The following NXPE2 variants were observed in gnomAD, a reference collection of about 807,000 sequenced individuals.
NXPE2 encodes the protein NXPE family member 2.
A neutral mutation model predicts 34.4 loss-of-function variants in NXPE2; 34 were observed. The observed-to-expected ratio is 0.99, with a 90% CI of 0.75 to 1.31. The LOEUF is 1.31. NXPE2 is among the 40% of genes most tolerant of loss of function. NXPE2 has a pLI of 0.00. For missense variants in NXPE2, 649 were observed against 672.5 expected (o/e 0.97, Z 0.39); for synonymous variants, 235 against 231.3 (o/e 1.02, Z -0.15).
intron 2 of NXPE2, among the ~76,000 whole-genome samples, chr11:114,696,247 C>A (rs1320867871): frequency 6.7e-6 from 1 of 149,368 alleles, no homozygotes; most frequent in Non-Finnish European, 1.5e-5. Flanking sequence ...ATTACCTAAG[C>A]CTGGAGCCTG....
the NXPE2 span, among the ~76,000 whole-genome samples, chr11:114,601,929 TTA>T: frequency 6.2e-5 from 4 of 64,264 alleles, no homozygotes; most frequent in African/African-American, 2.2e-4. Context: ...TATAATATAT[TTA>T]TATATATTAT....
At chr11:114,535,531 G>GAAA in the NXPE2 span, among the ~76,000 whole-genome samples, 1 of 152,104 alleles carries the variant, frequency 6.6e-6, no homozygotes, top group Non-Finnish European at 1.5e-5. Flanking sequence ...CTGTATTCAG[G>GAAA]AAACCCATCT....
chr11:114,477,453 C>T, the NXPE2 span, among the ~76,000 whole-genome samples: 2 of 152,042 alleles, frequency 1.3e-5, no homozygotes, highest in East Asian at 3.9e-4. Context: ...CAAAACATTA[C>T]ATGTACACTG....
the NXPE2 span, chr11:114,553,763 G>A: frequency 1.0e-6 from 1 of 985,086 alleles, no homozygotes; most frequent in African/African-American, 1.7e-5. Context: ...ATCCTCACTG[G>A]TAGAGGTGAG....
chr11:114,492,969 C>T, the NXPE2 span, among the ~76,000 whole-genome samples: 2 of 152,136 alleles, frequency 1.3e-5, no homozygotes, highest in Admixed American at 1.3e-4. Flanking sequence ...ATTTGTTTTA[C>T]ATATCTGGGT....
At chr11:114,721,361 G>A in the NXPE2 span, among the ~76,000 whole-genome samples, 1 of 151,942 alleles carries the variant, frequency 6.6e-6, no homozygotes, top group South Asian at 2.1e-4. Flanking sequence ...ATACTTTAGT[G>A]ATTGAGCAAA....
At chr11:114,616,043 G>A in the NXPE2 span, among the ~76,000 whole-genome samples, 10 of 149,476 alleles carry the variant, frequency 6.7e-5, no homozygotes, top group East Asian at 6.0e-4. Context: ...ACTCTTACCC[G>A]GTGGATAATA....
At chr11:114,587,668 CAGTT>C in the NXPE2 span, among the ~76,000 whole-genome samples, 22 of 152,180 alleles carry the variant, frequency 1.4e-4, no homozygotes, top group Admixed American at 5.2e-4. Context: ...GGAGGGAAAA[CAGTT>C]GGGGGGATGC....
At chr11:114,617,563 A>C in the NXPE2 span, among the ~76,000 whole-genome samples, 1 of 150,640 alleles carries the variant, frequency 6.6e-6, no homozygotes, top group Non-Finnish European at 1.5e-5. Context: ...GGAAAATAAT[A>C]GTTGCCTCAC....
the NXPE2 span, among the ~76,000 whole-genome samples, chr11:114,729,123 G>A: frequency 1.3e-4 from 20 of 151,958 alleles, no homozygotes; most frequent in Admixed American, 1.3e-3. Context: ...TTATGTCCAT[G>A]AGTACCCAAG....
At chr11:114,603,953 C>G in the NXPE2 span, among the ~76,000 whole-genome samples, 2 of 151,500 alleles carry the variant, frequency 1.3e-5, no homozygotes, top group East Asian at 3.9e-4. Flanking sequence ...TGCCTCTTCT[C>G]CTAGGTAACT....
At chr11:114,798,359 C>T in the NXPE2 span, among the ~76,000 whole-genome samples, 1 of 151,626 alleles carries the variant, frequency 6.6e-6, no homozygotes, top group Non-Finnish European at 1.5e-5. Context: ...CTTTGGGCTC[C>T]TCCTTCCCTC....
At chr11:114,510,977 T>C in the NXPE2 span, among the ~76,000 whole-genome samples, 2 of 152,022 alleles carry the variant, frequency 1.3e-5, no homozygotes, top group Non-Finnish European at 2.9e-5. Context: ...ATAATTATAA[T>C]GAGAAAATGT....
At chr11:114,784,504 T>TGGATCAGCTCTTTATAC in the NXPE2 span, among the ~76,000 whole-genome samples, 1 of 152,204 alleles carries the variant, frequency 6.6e-6, no homozygotes, top group Non-Finnish European at 1.5e-5. Flanking sequence ...AATCTTTATA[T>TGGATCAGCTCTTTATAC]GGATCAGCTC....
chr11:114,812,870 G>C, the NXPE2 span, among the ~76,000 whole-genome samples: 3 of 152,152 alleles, frequency 2.0e-5, no homozygotes, highest in African/African-American at 7.2e-5. Flanking sequence ...AGTTTGTACT[G>C]TGTTATTTCC....
the NXPE2 span, chr11:114,528,891 G>GTTGATGGGTAGGAAGAGAT: frequency 3.3e-6 from 2 of 601,148 alleles, no homozygotes; most frequent in African/African-American, 3.6e-5. Context: ...CATAAGGATG[G>GTTGATGGGTAGGAAGAGAT]TTGATGGGTA....
At chr11:114,568,015 A>G in the NXPE2 span, among the ~76,000 whole-genome samples, 23 of 152,310 alleles carry the variant, frequency 1.5e-4, no homozygotes, top group African/African-American at 5.3e-4. Flanking sequence ...CATATGAAAC[A>G]TCACACAGAC....
the NXPE2 span, among the ~76,000 whole-genome samples, chr11:114,804,189 A>T: frequency 1.3e-5 from 2 of 151,214 alleles, no homozygotes; most frequent in Non-Finnish European, 3.0e-5. Flanking sequence ...AAGGAAGCTC[A>T]TCAAGTATCA....
the NXPE2 span, chr11:114,581,820 G>C: frequency 6.8e-7 from 1 of 1,463,900 alleles, no homozygotes; most frequent in Non-Finnish European, 9.5e-7. Flanking sequence ...TAATCTGTAG[G>C]TGGCCTCAAA....
Sources: allele counts gnomAD v4.1 joint callset (sites outside exome capture counted in the v4.1 genomes callset), GRCh38; gene constraint gnomAD v4.1.1; transcripts MANE v1.5; gene names NCBI Gene and HGNC (gene_info 2026-07-23, HGNC 2026-07-21).